The following GPHN variants were observed in gnomAD, a reference collection of about 807,000 sequenced individuals.
GPHN encodes gephyrin.
A neutral mutation model predicts 95.5 loss-of-function variants in GPHN; 17 were observed. The ratio of observed to expected loss-of-function variants is 0.18; its 90% CI spans 0.12 to 0.27. The LOEUF (loss-of-function observed/expected upper bound fraction) is 0.27. Among genes scored for constraint, GPHN ranks in the 10% least tolerant of loss-of-function variants. The probability of loss-of-function intolerance (pLI) is 1.00; values close to 1 mark genes in which losing one functional copy is unlikely to be tolerated. For synonymous variants in GPHN, 320 were observed against 322.5 expected, an observed-to-expected ratio of 0.99 and a Z score of 0.08; for missense variants, 660 against 978.1, an observed-to-expected ratio of 0.67 and a Z score of 4.34.
At chr14:66,664,989 CAA>C (rs937401198) in intron 1 of GPHN, among the ~76,000 whole-genome samples, 71 of 54,900 alleles carry the variant, frequency 1.3e-3, no homozygotes, top group African/African-American at 3.6e-3. Flanking sequence ...GCCTACCAAC[CAA>C]AAAAAAAAAA....
the GPHN span, chr14:67,656,516 T>TC: frequency 1.9e-6 from 3 of 1,614,026 alleles, no homozygotes; most frequent in Non-Finnish European, 2.5e-6. Context: ...ATGAGAACGT[T>TC]CAATACTTTG....
intron 10 of GPHN, among the ~76,000 whole-genome samples, chr14:67,030,769 CA>C (rs2074154955): frequency 6.6e-6 from 1 of 152,162 alleles, no homozygotes; most frequent in Admixed American, 6.5e-5. Context: ...AAGCATCTTG[CA>C]AGACCTCATC....
At chr14:67,585,654 G>A in the GPHN span, 14 of 1,552,988 alleles carry the variant, frequency 9.0e-6, no homozygotes, top group Non-Finnish European at 1.2e-5. Flanking sequence ...ACAACACTAT[G>A]GTATGAAAGG....
chr14:66,703,442 A>G (rs2068753531), intron 2 of GPHN, among the ~76,000 whole-genome samples: 1 of 152,156 alleles, frequency 6.6e-6, no homozygotes, highest in South Asian at 2.1e-4. Flanking sequence ...TAATAGCGTA[A>G]CTCTCAGCAG....
At chr14:66,916,243 A>G (rs1235708492) in intron 6 of GPHN, among the ~76,000 whole-genome samples, 174 bp downstream of exon 6, 2 of 152,176 alleles carry the variant, frequency 1.3e-5, no homozygotes, top group Non-Finnish European at 2.9e-5. Context: ...CATAGAACTC[A>G]CTAAAAACTG....
At chr14:67,394,641 A>G in the GPHN span, among the ~76,000 whole-genome samples, 1 of 151,972 alleles carries the variant, frequency 6.6e-6, no homozygotes, top group African/African-American at 2.4e-5. Flanking sequence ...TACATCTTTG[A>G]TGGGTGTTAA....
chr14:66,653,368 T>G (rs957704326), intron 1 of GPHN, among the ~76,000 whole-genome samples: 1 of 152,204 alleles, frequency 6.6e-6, no homozygotes, highest in Non-Finnish European at 1.5e-5. Context: ...ATTGATTTTT[T>G]AATTAAACTT....
rs141327162 is a variant in GPHN, at chr14:66,674,826, A to G, written c.65-6281A>G. On this transcript the variant is annotated intron_variant, in intron 1 of 22. Coordinates refer to ENST00000478722, the MANE Select transcript of GPHN (RefSeq NM_020806.5). ...ACATAATTGATTTCCTTGCTTTTTG[A>G]TAAATGCCCATTCCTGTGATTGCTG... is the stretch of plus-strand genomic sequence containing the variant. 3.9e-3 allele frequency among the ~76,000 whole-genome samples: 598 copies of G among 152,326 alleles called. 3 individuals are homozygous for G. The highest frequency in any genetic ancestry group is 0.014 in the Middle Eastern group (4 of 294).
chr14:67,565,201 C>CTG, the GPHN span, among the ~76,000 whole-genome samples: 424 of 152,214 alleles, frequency 2.8e-3, 1 homozygote, highest in Non-Finnish European at 3.1e-3. Context: ...GACTTAGGTA[C>CTG]TTGCCCAAGG....
the GPHN span, chr14:67,392,406 T>C: frequency 1.2e-6 from 2 of 1,613,736 alleles, no homozygotes; most frequent in East Asian, 2.2e-5. Context: ...TTGGGGCTTA[T>C]CTTCTTTTTG....
At chr14:67,152,292 T>C (rs2081326456) in intron 18 of GPHN, among the ~76,000 whole-genome samples, 1 of 152,228 alleles carries the variant, frequency 6.6e-6, no homozygotes. Context: ...ATAAATGTCA[T>C]ATTTACATAT....
chr14:66,775,715 AAT>A (rs559047550), intron 2 of GPHN, among the ~76,000 whole-genome samples: 1 of 152,186 alleles, frequency 6.6e-6, no homozygotes, highest in South Asian at 2.1e-4. Flanking sequence ...TAAATTAGAT[AAT>A]ATATGATACA....
chr14:67,637,063 C>T, the GPHN span, among the ~76,000 whole-genome samples: 14,141 of 152,106 alleles, frequency 0.093, 685 homozygotes, highest in Middle Eastern at 0.2. Context: ...ATTAGTGAGA[C>T]CGTTTCTTAT....
the GPHN span, among the ~76,000 whole-genome samples, chr14:67,389,973 A>G: frequency 0.31 from 47,228 of 151,786 alleles, 11,260 homozygotes; most frequent in African/African-American, 0.64. Flanking sequence ...GGGTCCAGGC[A>G]GGGGTTCCTG....
chr14:67,158,928 T>C (rs1329371860), intron 18 of GPHN, among the ~76,000 whole-genome samples: 1 of 152,206 alleles, frequency 6.6e-6, no homozygotes, highest in Non-Finnish European at 1.5e-5. Flanking sequence ...TCAAGGAATG[T>C]ATATGGCTTT....
At position 66,878,746 on chromosome 14, in the gene GPHN, G is replaced by GAATGCTTTTA. The variant is rs1311328418; in HGVS notation, c.295-1192_295-1183dup. Among the ~76,000 whole-genome samples, 6 of 152,156 alleles carry GAATGCTTTTA rather than the reference G, an allele frequency of 3.9e-5. No homozygotes were observed. The East Asian group carries it at 1.2e-3, about 29-fold the overall frequency. On this transcript the variant is annotated intron_variant, in intron 4 of 22. Transcript: ENST00000478722. ...GCTGGATAGGGATGTGGAAAAATAG[G>GAATGCTTTTA]AATGCTTTTATACTGTTGGTGGGAG...
rs2062307853 is a variant in GPHN, at chr14:66,845,851, G to GTC, written c.294+21286_294+21287insCT. Reference sequence around the variant, plus strand: ...TGTGTGTGTGTGTGTGTGTGTGTGTGTGTGTGTGTCTGTGTGCGTGCGCAC... The same window carrying GTC: ...TGTGTGTGTGTGTGTGTGTGTGTGTGTCTGTGTGTGTCTGTGTGCGTGCGCAC... On this transcript the variant is annotated intron_variant, in intron 4 of 22. Transcript: ENST00000478722. 3.3e-5 allele frequency among the ~76,000 whole-genome samples: 5 copies of GTC among 150,974 alleles called. No homozygotes were observed. In the South Asian group the frequency reaches 1.0e-3, roughly 31 times the overall value.
At chr14:67,116,731 G>A (rs1349961718) in intron 16 of GPHN, among the ~76,000 whole-genome samples, 2 of 152,006 alleles carry the variant, frequency 1.3e-5, no homozygotes, top group African/African-American at 4.8e-5. Context: ...TCATCTTAAT[G>A]GAAATATTAT....
At chr14:66,511,766 T>A (rs1394077617) in intron 1 of GPHN, among the ~76,000 whole-genome samples, 3 of 152,018 alleles carry the variant, frequency 2.0e-5, no homozygotes, top group Non-Finnish European at 4.4e-5. Context: ...ATTTTTTTGC[T>A]TCATTATTTT....
Sources: allele counts gnomAD v4.1 joint callset (sites outside exome capture counted in the v4.1 genomes callset), GRCh38; gene constraint gnomAD v4.1.1; transcripts MANE v1.5; gene names NCBI Gene and HGNC (gene_info 2026-07-23, HGNC 2026-07-21).